The following SLC2A13 variants were observed in gnomAD, a reference collection of about 807,000 sequenced individuals.
SLC2A13 encodes solute carrier family 2 member 13.
SLC2A13 carries 32 observed loss-of-function variants against 64.4 expected under a neutral mutation model. The ratio of observed to expected loss-of-function variants is 0.50; its 90% confidence interval spans 0.37 to 0.67. SLC2A13 has a LOEUF of 0.67. Ranked by LOEUF, SLC2A13 falls within the 30% of genes least tolerant of loss-of-function variation. The probability of loss-of-function intolerance (pLI) is 0.00; values close to 1 mark genes in which losing one functional copy is unlikely to be tolerated. For missense variants in SLC2A13, 743 were observed against 829.2 expected, an observed-to-expected ratio of 0.90 and a Z score of 1.28; for synonymous variants, 338 against 327.1, an observed-to-expected ratio of 1.03 and a Z score of -0.36.
chr12:39,781,557 A>C (rs1478774486), intron 7 of SLC2A13, among the ~76,000 whole-genome samples: 1 of 152,252 alleles, frequency 6.6e-6, no homozygotes, highest in Non-Finnish European at 1.5e-5. Flanking sequence ...ATTGTCTCAC[A>C]GTTTTGAAGT....
At chr12:39,892,964 A>G (rs1320526610) in intron 4 of SLC2A13, among the ~76,000 whole-genome samples, 1 of 152,218 alleles carries the variant, frequency 6.6e-6, no homozygotes, top group Non-Finnish European at 1.5e-5. Context: ...AAACCATATA[A>G]TCAGAAATAA....
chr12:39,865,868 G>T (rs1292106254), intron 5 of SLC2A13, among the ~76,000 whole-genome samples: 1 of 152,160 alleles, frequency 6.6e-6, no homozygotes, highest in Non-Finnish European at 1.5e-5. Context: ...AGACACCAGG[G>T]ATTACTTGGG....
chr12:39,917,200 G>A (rs1340271138), intron 4 of SLC2A13, among the ~76,000 whole-genome samples: 1 of 151,304 alleles, frequency 6.6e-6, no homozygotes, highest in Admixed American at 6.6e-5. Context: ...ATGAACTAAT[G>A]GGGTGTTCAG....
chr12:40,011,687 T>A (rs1371207302), intron 3 of SLC2A13, among the ~76,000 whole-genome samples: 1 of 152,198 alleles, frequency 6.6e-6, no homozygotes, highest in African/African-American at 2.4e-5. Context: ...CGGCGTCTAC[T>A]GTTCCCATCT....
intron 3 of SLC2A13, among the ~76,000 whole-genome samples, chr12:39,999,398 T>C (rs192735210): frequency 3.3e-5 from 5 of 152,290 alleles, no homozygotes; most frequent in Admixed American, 3.3e-4. Context: ...TAGCAAGGAA[T>C]ATTAATAATT....
rs71449492 is a variant in SLC2A13, at chr12:39,760,953, A to AACACACACACACACAC, written c.1721-717_1721-702dup. On this transcript the variant is annotated intron_variant, in intron 9 of 9. Coordinates refer to ENST00000280871, the MANE Select transcript of SLC2A13 (RefSeq NM_052885.4). The stretch of plus-strand genomic sequence containing the variant: ...AACATGGTGAAACCTGTCTCTACCA[A>AACACACACACACACAC]ACACACACACACACACACACATAAT... Among the ~76,000 whole-genome samples, 172 of 101,572 alleles carry AACACACACACACACAC rather than the reference A, an allele frequency of 1.7e-3. 9 individuals are homozygous for AACACACACACACACAC. Among genetic ancestry groups the AACACACACACACACAC allele is most frequent in the African/African-American group, 4.7e-3 (132 of 28,214 alleles). The allele number at this position is 101,572 out of a possible 152,430, so 66.6% of individuals were successfully genotyped here. A position where few individuals can be genotyped will look rare whatever the true frequency, so the allele number is the denominator to read the frequency against.
chr12:39,901,255 C>T (rs1945098015), intron 4 of SLC2A13, among the ~76,000 whole-genome samples: 1 of 152,174 alleles, frequency 6.6e-6, no homozygotes, highest in African/African-American at 2.4e-5. Flanking sequence ...AAAACCTAGG[C>T]AATACCATTC....
chr12:39,831,083 A>G lies in SLC2A13; in HGVS notation c.1320-855T>C, dbSNP rs373995993. ...ATCATTTGCCAGAAAATTCTGGAGCACTTTACAGATGGCAAGCACATGCAA... is the reference window on the plus strand; with the variant it reads ...ATCATTTGCCAGAAAATTCTGGAGCGCTTTACAGATGGCAAGCACATGCAA... On this transcript the variant is annotated intron_variant, in intron 6 of 9. Coordinates refer to ENST00000280871, the MANE Select transcript of SLC2A13 (RefSeq NM_052885.4). 2.7e-3 allele frequency among the ~76,000 whole-genome samples: 407 copies of G among 152,310 alleles called. 2 individuals carry two copies. The Middle Eastern group carries it at 0.031, about 11-fold the overall frequency.
chr12:39,912,914 G>C (rs1945454515), intron 4 of SLC2A13, among the ~76,000 whole-genome samples: 1 of 152,076 alleles, frequency 6.6e-6, no homozygotes, highest in East Asian at 1.9e-4. Flanking sequence ...AAACAGAATA[G>C]TTTTATATGT....
chr12:39,991,007 C>G (rs1415412468), intron 3 of SLC2A13, among the ~76,000 whole-genome samples: 1 of 152,250 alleles, frequency 6.6e-6, no homozygotes, highest in East Asian at 1.9e-4. Flanking sequence ...AGGCTTGGAC[C>G]AGATTAGGTC....
At position 39,755,375 on chromosome 12, in the gene SLC2A13, T is replaced by C. The variant is rs975542096; in HGVS notation, c.*4651A>G. The C allele has an allele frequency of 6.6e-6, 1 of 152,068 alleles. No homozygotes were observed. Among genetic ancestry groups the C allele is most frequent in the African/African-American group, 2.4e-5 (1 of 41,434 alleles). 9.4% of individuals were successfully genotyped at this position (152,068 alleles called of 1,614,324 possible). A position where few individuals can be genotyped will look rare whatever the true frequency, so the allele number is the denominator to read the frequency against. The stretch of plus-strand genomic sequence containing the variant: ...TAAAATATACAGTTTGAAATACATA[T>C]ATTTTAAAAGCATAAAACTGTGATT... On this transcript the variant is annotated 3_prime_UTR_variant, in exon 10 of 10. Transcript: ENST00000280871.
At chr12:39,856,644 G>A (rs1312330110) in intron 6 of SLC2A13, among the ~76,000 whole-genome samples, 1 of 152,180 alleles carries the variant, frequency 6.6e-6, no homozygotes, top group Non-Finnish European at 1.5e-5. Flanking sequence ...TGGGATTACA[G>A]GCATGAGCCA....
intron 1 of SLC2A13, among the ~76,000 whole-genome samples, chr12:40,074,803 G>A (rs561703361): frequency 6.6e-6 from 1 of 152,304 alleles, no homozygotes; most frequent in South Asian, 2.1e-4. Context: ...GTGGTAAGGT[G>A]TAGGAGAAGG....
intron 2 of SLC2A13, among the ~76,000 whole-genome samples, chr12:40,029,585 C>T (rs1197900356): frequency 1.3e-5 from 2 of 152,122 alleles, no homozygotes; most frequent in African/African-American, 2.4e-5. Flanking sequence ...GCCTTAAAGG[C>T]TCCAGAGATA....
At chr12:39,899,629 T>G (rs1455182765) in intron 4 of SLC2A13, among the ~76,000 whole-genome samples, 1 of 152,156 alleles carries the variant, frequency 6.6e-6, no homozygotes, top group African/African-American at 2.4e-5. Flanking sequence ...GTGCTATAAA[T>G]TTCCCTCTAC....
chr12:39,844,449 T>A lies in SLC2A13; in HGVS notation c.1320-14221A>T, dbSNP rs149892595. Among the ~76,000 whole-genome samples, 945 of 152,216 alleles carry A rather than the reference T, an allele frequency of 6.2e-3. 12 individuals are homozygous for A. Among genetic ancestry groups the A allele is most frequent in the African/African-American group, 0.022 (894 of 41,566 alleles). On this transcript the variant is annotated intron_variant, in intron 6 of 9. Transcript: ENST00000280871. Reference sequence around the variant, plus strand: ...CTCATAAATATCCTTCCATACCTAGTAGCATACCCATAAATATTCCCTAAT... The same window carrying A: ...CTCATAAATATCCTTCCATACCTAGAAGCATACCCATAAATATTCCCTAAT...
chr12:39,922,016 T>G (rs1945622653), intron 4 of SLC2A13, among the ~76,000 whole-genome samples: 1 of 152,252 alleles, frequency 6.6e-6, no homozygotes, highest in South Asian at 2.1e-4. Flanking sequence ...GTACCTACAT[T>G]TGTAGGGTGA....
At chr12:39,836,258 G>A (rs1943000394) in intron 6 of SLC2A13, among the ~76,000 whole-genome samples, 1 of 152,136 alleles carries the variant, frequency 6.6e-6, no homozygotes, top group African/African-American at 2.4e-5. Flanking sequence ...ACTGTGGGAT[G>A]TGAGTGCTGG....
At position 39,760,158 on chromosome 12, in the gene SLC2A13, A is replaced by C. The variant is rs1311710474; in HGVS notation, c.1815T>G (p.Ile605Met). The stretch of plus-strand genomic sequence containing the variant: ...ATAGCCTGTTGTCAAAGAGTGATTC[A>C]ATTTCCTCTAATTTTTTGCCTTTGG... ...PETKGKKLEE[I>M]ESLFDNRLCT... Residue 605 changes from isoleucine to methionine, a missense_variant, in exon 10 of 10, where the codon ATT (isoleucine) becomes ATG (methionine). Physicochemically the swap from Ile to Met is conservative, Grantham distance 10 (BLOSUM62 1). Around this residue, in one of 2 missense-constraint regions of SLC2A13, gnomAD observed 295 missense variants for 381.7 expected, o/e 0.77. Coordinates refer to ENST00000280871, the MANE Select transcript of SLC2A13 (RefSeq NM_052885.4). The C allele has an allele frequency of 6.2e-7, 1 of 1,612,958 alleles. No homozygotes were observed. Among genetic ancestry groups the C allele is most frequent in the East Asian group, 2.2e-5 (1 of 44,822 alleles).
Sources: gnomAD v4.1 joint callset for allele counts (sites outside exome capture counted in the v4.1 genomes callset) on GRCh38, gnomAD v4.1.1 for gene constraint, gnomAD v4.1.1 regional missense constraint, MANE v1.5 for transcripts, NCBI Gene and HGNC (gene_info 2026-07-23, HGNC 2026-07-21) for gene names.